The following RAB8B variants were observed in gnomAD, a reference collection of about 807,000 sequenced individuals.
RAB8B encodes ras-related protein Rab-8B.
A neutral mutation model predicts 32.0 loss-of-function variants in RAB8B; 11 were observed. The observed-to-expected ratio is 0.34, with a 90% CI of 0.22 to 0.57. RAB8B has a LOEUF of 0.57. Ranked by LOEUF, RAB8B falls within the 20% of genes least tolerant of loss-of-function variation. The pLI is 0.86. For missense variants in RAB8B, 190 were observed against 258.5 expected (o/e 0.73, Z 1.82); for synonymous variants, 103 against 89.6 (o/e 1.15, Z -0.85).
chr15:63,224,377 C>A (rs2037871897), intron 1 of RAB8B, among the ~76,000 whole-genome samples: 1 of 152,144 alleles, frequency 6.6e-6, no homozygotes, highest in South Asian at 2.1e-4. Flanking sequence ...TTAGTTCTTC[C>A]TAGTCTTACT....
intron 1 of RAB8B, among the ~76,000 whole-genome samples, chr15:63,209,770 C>CT (rs1957839488): frequency 6.7e-6 from 1 of 150,298 alleles, no homozygotes; most frequent in African/African-American, 2.5e-5. Context: ...TTTAATTATA[C>CT]TTTAAGTTCT....
chr15:63,224,276 T>C (rs2037871179), intron 1 of RAB8B, among the ~76,000 whole-genome samples: 1 of 152,234 alleles, frequency 6.6e-6, no homozygotes, highest in South Asian at 2.1e-4. Flanking sequence ...ATTCATCCCA[T>C]GTTGGAAGAT....
intron 1 of RAB8B, among the ~76,000 whole-genome samples, chr15:63,221,359 A>T (rs1191183947): frequency 6.6e-6 from 1 of 152,194 alleles, no homozygotes; most frequent in African/African-American, 2.4e-5. Context: ...TAAATAACTA[A>T]TGAAGCTATA....
chr15:63,224,476 G>A (rs1273022354), intron 1 of RAB8B, among the ~76,000 whole-genome samples: 15 of 152,090 alleles, frequency 9.9e-5, no homozygotes, highest in Admixed American at 9.8e-4. Context: ...AATCATATGA[G>A]TGGAAAATTA....
chr15:63,230,456 C>A (rs1567015446), intron 1 of RAB8B, among the ~76,000 whole-genome samples: 1 of 152,116 alleles, frequency 6.6e-6, no homozygotes, highest in African/African-American at 2.4e-5. Flanking sequence ...CGCCCACCAC[C>A]ACACCTGGCT....
intron 1 of RAB8B, among the ~76,000 whole-genome samples, chr15:63,243,354 T>C (rs1247084181): frequency 6.6e-6 from 1 of 152,174 alleles, no homozygotes; most frequent in Non-Finnish European, 1.5e-5. Context: ...CAAAGCTGAG[T>C]AGCCAGATGA....
intron 5 of RAB8B, among the ~76,000 whole-genome samples, chr15:63,257,560 C>T (rs1416339096): frequency 6.6e-6 from 1 of 152,080 alleles, no homozygotes; most frequent in Non-Finnish European, 1.5e-5. Context: ...AGGCACCATG[C>T]CCAGCCACAT....
intron 1 of RAB8B, among the ~76,000 whole-genome samples, chr15:63,235,948 C>T (rs1025841227): frequency 6.6e-6 from 1 of 152,008 alleles, no homozygotes; most frequent in African/African-American, 2.4e-5. Flanking sequence ...AGGAAGTTTC[C>T]CCACCAAGAT....
In RAB8B at chr15:63,218,630, T is replaced by G. The variant is rs148527878; in HGVS notation, c.125-26126T>G. Among the ~76,000 whole-genome samples, 853 of 152,352 alleles carry G rather than the reference T, an allele frequency of 5.6e-3. 7 individuals are homozygous for G. Among genetic ancestry groups the G allele is most frequent in the African/African-American group, 0.018 (760 of 41,578 alleles). On this transcript the variant is annotated intron_variant, in intron 1 of 7. Transcript: ENST00000321437. ...GTCCCACTTCATTCATTTGAAATGATGTCAGTTACCACACTACTGAACTCT... is the reference window on the plus strand; with the variant it reads ...GTCCCACTTCATTCATTTGAAATGAGGTCAGTTACCACACTACTGAACTCT...
chr15:63,212,728 G>C (rs919320740), intron 1 of RAB8B, among the ~76,000 whole-genome samples: 2 of 152,188 alleles, frequency 1.3e-5, no homozygotes, highest in African/African-American at 4.8e-5. Flanking sequence ...CCCTAAAACA[G>C]CTCTAGTGAA....
intron 1 of RAB8B, among the ~76,000 whole-genome samples, chr15:63,222,726 A>T (rs1191985866): frequency 6.6e-6 from 1 of 152,050 alleles, no homozygotes; most frequent in Middle Eastern, 3.2e-3. Flanking sequence ...TTTTTAGTAG[A>T]GATGGGGTTT....
At chr15:63,249,221 T>A (rs978126718) in intron 2 of RAB8B, among the ~76,000 whole-genome samples, 1 of 152,150 alleles carries the variant, frequency 6.6e-6, no homozygotes, top group Non-Finnish European at 1.5e-5. Flanking sequence ...ATTGCTTGCT[T>A]TATACAGAAA....
chr15:63,226,150 T>C (rs1375057307), intron 1 of RAB8B, among the ~76,000 whole-genome samples: 1 of 152,222 alleles, frequency 6.6e-6, no homozygotes, highest in Admixed American at 6.5e-5. Flanking sequence ...ACTAATTCTT[T>C]GTCAAATTAA....
chr15:63,202,617 GT>G (rs1354811763), intron 1 of RAB8B, among the ~76,000 whole-genome samples: 5 of 152,234 alleles, frequency 3.3e-5, no homozygotes, highest in African/African-American at 1.2e-4. Flanking sequence ...CTGTTGGTTT[GT>G]TATGCTTGTA....
At position 63,205,477 on chromosome 15, in the gene RAB8B, A is replaced by T. The variant is rs373824464; in HGVS notation, c.124+15729A>T. Among the ~76,000 whole-genome samples the T allele has an allele frequency of 3.3e-4, 50 of 152,238 alleles. No individual in the cohort carries two copies. The East Asian group carries it at 7.9e-3, about 24-fold the overall frequency. ...GGCACCATTGTACTCCAGCCTGGGC[A>T]ACAAAGTGAGACCCTGTATCAAAAA... On this transcript the variant is annotated intron_variant, in intron 1 of 7. Transcript: ENST00000321437.
At chr15:63,220,450 CT>C (rs11382862) in intron 1 of RAB8B, among the ~76,000 whole-genome samples, 68 of 148,920 alleles carry the variant, frequency 4.6e-4, no homozygotes, top group African/African-American at 1.1e-3. Context: ...TACAGACCAA[CT>C]TTTTTTTTTT....
chr15:63,249,498 C>A, intron 2 of RAB8B, 147 bp from the exon 3 acceptor site: 1 of 654,144 alleles, frequency 1.5e-6, no homozygotes, highest in Non-Finnish European at 2.6e-6. Context: ...TGCAGATGTG[C>A]AAAGGGCTCC....
intron 1 of RAB8B, among the ~76,000 whole-genome samples, chr15:63,192,266 A>G (rs2037561965): frequency 6.6e-6 from 1 of 152,208 alleles, no homozygotes; most frequent in African/African-American, 2.4e-5. Flanking sequence ...AGTCAAAATT[A>G]AGCTGGGAAA....
intron 1 of RAB8B, among the ~76,000 whole-genome samples, chr15:63,223,688 A>G (rs1054635151): frequency 1.3e-5 from 2 of 152,188 alleles, no homozygotes; most frequent in African/African-American, 4.8e-5. Flanking sequence ...TTGAAGACAC[A>G]CGACTGTACT....
Sources: allele counts gnomAD v4.1 joint callset (sites outside exome capture counted in the v4.1 genomes callset), GRCh38; gene constraint gnomAD v4.1.1; transcripts MANE v1.5; gene names NCBI Gene and HGNC (gene_info 2026-07-23, HGNC 2026-07-21).